The following CNTNAP2 variants were observed in gnomAD, a reference collection of about 807,000 sequenced individuals.
The protein encoded by CNTNAP2 is contactin-associated protein-like 2.
Under a neutral mutation model 155.2 loss-of-function variants are expected in CNTNAP2, and 98 were observed. That is an observed-to-expected ratio of 0.63 (90% CI 0.54 to 0.75). CNTNAP2 has a LOEUF of 0.75. Ranked by LOEUF, CNTNAP2 falls within the 30% of genes least tolerant of loss-of-function variation. The probability of loss-of-function intolerance (pLI) is 0.00; values close to 1 mark genes in which losing one functional copy is unlikely to be tolerated. For missense variants in CNTNAP2, 1,727 were observed against 1,688.1 expected (o/e 1.02, Z -0.40); for synonymous variants, 651 against 631.2 (o/e 1.03, Z -0.47).
At chr7:146,381,919 G>T (rs531707629) in intron 1 of CNTNAP2, among the ~76,000 whole-genome samples, 1 of 152,104 alleles carries the variant, frequency 6.6e-6, no homozygotes, top group Admixed American at 6.6e-5. Flanking sequence ...AGAAGGCAGC[G>T]TTTATCCATG....
chr7:147,456,600 A>G (rs1797922015), intron 10 of CNTNAP2, among the ~76,000 whole-genome samples: 1 of 152,202 alleles, frequency 6.6e-6, no homozygotes, highest in African/African-American at 2.4e-5. Flanking sequence ...GGAAAGAGGA[A>G]ACATCTCAGT....
intron 8 of CNTNAP2, among the ~76,000 whole-genome samples, chr7:147,233,554 T>A (rs192947879): frequency 6.7e-6 from 1 of 149,192 alleles, no homozygotes. Context: ...TATTGTGGTG[T>A]GAGAACCATA....
At chr7:146,144,033 A>T (rs1252306963) in intron 1 of CNTNAP2, among the ~76,000 whole-genome samples, 2 of 152,222 alleles carry the variant, frequency 1.3e-5, no homozygotes, top group Admixed American at 6.5e-5. Context: ...ATATGCTAGG[A>T]TTACAGGTGT....
chr7:147,271,148 A>G (rs542368810), intron 8 of CNTNAP2, among the ~76,000 whole-genome samples: 2 of 152,342 alleles, frequency 1.3e-5, no homozygotes, highest in East Asian at 1.9e-4. Flanking sequence ...ACTTGTATAG[A>G]TCATGATAAC....
chr7:146,591,663 G>T (rs905940998), intron 1 of CNTNAP2, among the ~76,000 whole-genome samples: 1 of 152,062 alleles, frequency 6.6e-6, no homozygotes, highest in Admixed American at 6.6e-5. Context: ...TATTTTATTG[G>T]CTTCTTTTTC....
intron 1 of CNTNAP2, among the ~76,000 whole-genome samples, chr7:146,729,683 AC>A (rs1801491356): frequency 1.3e-5 from 2 of 152,116 alleles, no homozygotes; most frequent in South Asian, 4.1e-4. Flanking sequence ...CCTTATGATC[AC>A]AGCCCTGAGG....
rs35385008 is a variant in CNTNAP2, at chr7:147,563,627, C to CAATAAATAAATAAATA, written c.1897+1385_1897+1400dup. 9.2e-3 allele frequency among the ~76,000 whole-genome samples: 1,367 copies of CAATAAATAAATAAATA among 149,188 alleles called. 12 individuals are homozygous for CAATAAATAAATAAATA. Among genetic ancestry groups the CAATAAATAAATAAATA allele is most frequent in the African/African-American group, 0.017 (696 of 40,376 alleles). On this transcript the variant is annotated intron_variant, in intron 12 of 23. Coordinates refer to ENST00000361727, the MANE Select transcript of CNTNAP2 (RefSeq NM_014141.6). The stretch of plus-strand genomic sequence containing the variant: ...TTGGTGACAGAGCAAGACTCCATCT[C>CAATAAATAAATAAATA]AATAAATAAATAAATAAATAAATAA...
In CNTNAP2 at chr7:148,365,391, G is replaced by A. The variant is rs191268514; in HGVS notation, c.3476-18258G>A. Among the ~76,000 whole-genome samples the A allele has an allele frequency of 4.6e-5, 7 of 152,274 alleles. No homozygotes were observed. The East Asian group carries it at 5.8e-4, about 13-fold the overall frequency. On this transcript the variant is annotated intron_variant, in intron 21 of 23. Transcript: ENST00000361727. Reference sequence around the variant, plus strand: ...AATATTACTGTCTAGCAGGCTGGGCGTGGTGGCTCATGCCTGTAATCCCAG... The same window carrying A: ...AATATTACTGTCTAGCAGGCTGGGCATGGTGGCTCATGCCTGTAATCCCAG...
At chr7:147,499,748 G>A (rs1206851555) in intron 11 of CNTNAP2, among the ~76,000 whole-genome samples, 1 of 152,140 alleles carries the variant, frequency 6.6e-6, no homozygotes, top group Non-Finnish European at 1.5e-5. Flanking sequence ...TTAGGAGAGT[G>A]GGTGGGGAGA....
intron 12 of CNTNAP2, among the ~76,000 whole-genome samples, chr7:147,596,904 C>T (rs1439115748): frequency 6.6e-6 from 1 of 152,164 alleles, no homozygotes; most frequent in African/African-American, 2.4e-5. Flanking sequence ...GTCTTCATTG[C>T]TACGCTCCCT....
intron 8 of CNTNAP2, among the ~76,000 whole-genome samples, chr7:147,134,614 T>A (rs1375465119): frequency 6.6e-6 from 1 of 151,866 alleles, no homozygotes; most frequent in East Asian, 1.9e-4. Flanking sequence ...TTAAAAAAGT[T>A]ATATTTTATA....
chr7:147,488,535 T>G (rs1282657831), intron 11 of CNTNAP2, among the ~76,000 whole-genome samples: 1 of 136,630 alleles, frequency 7.3e-6, no homozygotes, highest in East Asian at 2.6e-4. Context: ...ATGCTAATTA[T>G]TTTAAATAGT....
At chr7:146,907,696 A>G (rs1796167796) in intron 3 of CNTNAP2, among the ~76,000 whole-genome samples, 1 of 150,932 alleles carries the variant, frequency 6.6e-6, no homozygotes, top group Non-Finnish European at 1.5e-5. Flanking sequence ...CTGCAAAATC[A>G]TGCCAAAATG....
chr7:147,289,252 C>A (rs563052523), intron 8 of CNTNAP2, among the ~76,000 whole-genome samples: 1 of 152,166 alleles, frequency 6.6e-6, no homozygotes, highest in African/African-American at 2.4e-5. Context: ...GATACCCAGA[C>A]TTAACGGCTT....
chr7:147,367,895 C>T (rs577063964), intron 9 of CNTNAP2, among the ~76,000 whole-genome samples: 23 of 152,154 alleles, frequency 1.5e-4, no homozygotes, highest in Non-Finnish European at 3.1e-4. Context: ...ACTCTACCAT[C>T]TGTAATGGGC....
chr7:147,295,559 G>A (rs1449132579), intron 8 of CNTNAP2, among the ~76,000 whole-genome samples: 2 of 152,034 alleles, frequency 1.3e-5, no homozygotes, highest in African/African-American at 4.8e-5. Context: ...TATCACCATG[G>A]CTAGCACATA....
intron 12 of CNTNAP2, among the ~76,000 whole-genome samples, chr7:147,613,207 T>C (rs10244661): frequency 0.66 from 100,679 of 151,994 alleles, 33,538 homozygotes; most frequent in Admixed American, 0.71. Flanking sequence ...TAAAACCTCA[T>C]TGTAGTTCTT....
At chr7:147,187,589 C>A (rs1258560563) in intron 8 of CNTNAP2, among the ~76,000 whole-genome samples, 1 of 151,874 alleles carries the variant, frequency 6.6e-6, no homozygotes, top group African/African-American at 2.4e-5. Context: ...AGCAATAGAC[C>A]CTGGGGACTG....
intron 8 of CNTNAP2, among the ~76,000 whole-genome samples, chr7:147,277,381 A>G (rs1215529630): frequency 6.6e-6 from 1 of 151,870 alleles, no homozygotes. Context: ...TGAGAACCAA[A>G]AAGAAAAGAA....
Sources: allele counts gnomAD v4.1 joint callset (sites outside exome capture counted in the v4.1 genomes callset), GRCh38; gene constraint gnomAD v4.1.1; transcripts MANE v1.5; gene names NCBI Gene and HGNC (gene_info 2026-07-23, HGNC 2026-07-21).